CLCN5: variants seen among roughly 807,000 people sequenced by gnomAD.
The protein encoded by CLCN5 is Cl-/H+ antiporter 5.
A neutral mutation model predicts 54.0 loss-of-function variants in CLCN5; 17 were observed. The observed-to-expected ratio is 0.31, with a 90% CI of 0.22 to 0.47. The LOEUF (loss-of-function observed/expected upper bound fraction) is 0.47. Ranked by LOEUF, CLCN5 falls within the 20% of genes least tolerant of loss-of-function variation. CLCN5 has a pLI of 1.00. For missense variants in CLCN5, 448 were observed against 646.7 expected (o/e 0.69, Z 3.33); for synonymous variants, 222 against 233.0 (o/e 0.95, Z 0.43).
At chrX:50,079,016 G>A (rs5906905) in intron 7 of CLCN5, among the ~76,000 whole-genome samples, 64 of 111,201 alleles carry the variant, frequency 5.8e-4, no homozygotes, top group African/African-American at 2.0e-3. Context: ...GTAGAGACGG[G>A]GTTTCACCAT....
At chrX:50,028,499 C>G (rs782282635) in intron 3 of CLCN5, among the ~76,000 whole-genome samples, 2 of 111,796 alleles carry the variant, frequency 1.8e-5, no homozygotes, top group Admixed American at 9.5e-5. Context: ...TTTTCCTACC[C>G]CAGAGAACCT....
intron 8 of CLCN5, among the ~76,000 whole-genome samples, 188 bp downstream of exon 8, chrX:50,080,904 G>A (rs1440937138): frequency 9.0e-6 from 1 of 111,459 alleles, no homozygotes; most frequent in Non-Finnish European, 1.9e-5. Flanking sequence ...ATTAAAGGGA[G>A]TTGATTCTTA....
At chrX:50,019,504 T>A (rs782646587) in intron 3 of CLCN5, among the ~76,000 whole-genome samples, 4 of 75,889 alleles carry the variant, frequency 5.3e-5, no homozygotes, top group African/African-American at 2.0e-4. Context: ...TACTCTAAGT[T>A]TTAGGGTACA....
chrX:49,938,179 A>C (rs1157634818), intron 3 of CLCN5, among the ~76,000 whole-genome samples: 2 of 111,584 alleles, frequency 1.8e-5, no homozygotes, highest in African/African-American at 6.5e-5. Context: ...GTTTTACTTT[A>C]AGATATTGAT....
At chrX:50,034,729 C>G (rs781957912) in intron 3 of CLCN5, among the ~76,000 whole-genome samples, 4 of 110,972 alleles carry the variant, frequency 3.6e-5, no homozygotes, top group Admixed American at 1.9e-4. Context: ...GTAAGCCATA[C>G]CACAAACTAG....
At chrX:49,958,604 AC>A (rs1557174189) in intron 3 of CLCN5, among the ~76,000 whole-genome samples, 1 of 111,516 alleles carries the variant, frequency 9.0e-6, no homozygotes, top group African/African-American at 3.3e-5. Context: ...TTTACAAGTA[AC>A]AGCCAAATTT....
intron 3 of CLCN5, among the ~76,000 whole-genome samples, chrX:49,985,531 C>G (rs1174291934): frequency 9.0e-6 from 1 of 111,715 alleles, no homozygotes; most frequent in Non-Finnish European, 1.9e-5. Context: ...ATTCCTCATT[C>G]AGCTAATGGA....
intron 3 of CLCN5, among the ~76,000 whole-genome samples, chrX:49,940,496 A>T (rs1398952021): frequency 8.9e-6 from 1 of 111,909 alleles, no homozygotes; most frequent in African/African-American, 3.2e-5. Context: ...CATGTCTCTA[A>T]CATAAGTTTG....
chrX:50,091,196 A>G (rs1291109184), intron 14 of CLCN5, among the ~76,000 whole-genome samples: 2 of 111,985 alleles, frequency 1.8e-5, no homozygotes, highest in Non-Finnish European at 3.8e-5. Flanking sequence ...AGCATCAGGT[A>G]ATAGTGTATT....
intron 3 of CLCN5, among the ~76,000 whole-genome samples, chrX:49,954,326 C>A (rs1320482580): frequency 9.0e-6 from 1 of 111,318 alleles, no homozygotes; most frequent in African/African-American, 3.3e-5. Context: ...CATAAACTTT[C>A]TTGAAACATT....
chrX:49,930,111 A>C (rs1190516070), intron 3 of CLCN5, among the ~76,000 whole-genome samples: 1 of 111,760 alleles, frequency 8.9e-6, no homozygotes, highest in African/African-American at 3.3e-5. Context: ...TCAAAGAAGA[A>C]ATGCAAATGG....
rs958689777 is a variant in CLCN5, at chrX:49,942,568, C to T, written c.16+17254C>T. 1.5e-4 allele frequency among the ~76,000 whole-genome samples: 15 copies of T among 96,918 alleles called. 1 individual carries two copies. Among genetic ancestry groups the T allele is most frequent in the African/African-American group, 4.6e-4 (12 of 26,025 alleles). 84.2% of individuals were successfully genotyped at this position (96,918 alleles called of 115,157 possible). On this transcript the variant is annotated intron_variant, in intron 3 of 14. Coordinates refer to ENST00000376091, the MANE Select transcript of CLCN5 (RefSeq NM_001127898.4). ...TCCCTCCCCCCTCCCCCCTACCCCA[C>T]GACAGGCCCCGGTGTGTGATGTTCC... is the stretch of plus-strand genomic sequence containing the variant.
intron 3 of CLCN5, among the ~76,000 whole-genome samples, chrX:50,032,656 C>T (rs1931770648): frequency 9.2e-6 from 1 of 108,508 alleles, no homozygotes; most frequent in African/African-American, 3.5e-5. Flanking sequence ...AAAATTTTCT[C>T]CCATTTTGTA....
At position 50,081,628 on chromosome X, in the gene CLCN5, G is replaced by T; in HGVS notation, c.727-13G>T. 8.4e-7 allele frequency: 1 copy of T among 1,186,791 alleles called. No homozygotes were observed. The highest frequency in any genetic ancestry group is 1.1e-6 in the Non-Finnish European group (1 of 873,507). On this transcript the variant is annotated splice_polypyrimidine_tract_variant and intron_variant, in intron 8 of 14. Transcript: ENST00000376091. ...CTTAGTCTATATTCAATCTTTCTGT[G>T]TTTAACCTGCAGATAAAAACTATCT...
At chrX:50,088,025 T>G (rs1430266069) in intron 11 of CLCN5, among the ~76,000 whole-genome samples, 1 of 112,354 alleles carries the variant, frequency 8.9e-6, no homozygotes, top group Non-Finnish European at 1.9e-5. Flanking sequence ...TCATTACAAT[T>G]TTTTAATTGT....
chrX:50,058,281 G>A (rs1286834351), intron 4 of CLCN5, among the ~76,000 whole-genome samples: 2 of 111,539 alleles, frequency 1.8e-5, no homozygotes, highest in African/African-American at 6.5e-5. Flanking sequence ...TTCAGGGTCT[G>A]TGCATGAGAT....
chrX:50,090,598 G>C, intron 13 of CLCN5, 72 bp from the exon 14 acceptor site: 5 of 1,149,913 alleles, frequency 4.3e-6, no homozygotes, highest in Non-Finnish European at 5.9e-6. Flanking sequence ...GGGAAGGGGG[G>C]ACTGGTTAGG....
intron 4 of CLCN5, 24 bp downstream of exon 4, chrX:50,042,486 T>G (rs1422658207): frequency 1.0e-6 from 1 of 974,169 alleles, no homozygotes; most frequent in Non-Finnish European, 1.3e-6. Context: ...TGATGATAAT[T>G]TATCTTAATT....
At chrX:50,051,122 TATG>T (rs1932572939) in intron 4 of CLCN5, among the ~76,000 whole-genome samples, 1 of 112,344 alleles carries the variant, frequency 8.9e-6, no homozygotes, top group Non-Finnish European at 1.9e-5. Context: ...GATTTTCTCC[TATG>T]ATATCTTCCA....
Sources: allele counts gnomAD v4.1 joint callset (sites outside exome capture counted in the v4.1 genomes callset), GRCh38; gene constraint gnomAD v4.1.1; transcripts MANE v1.5; gene names NCBI Gene and HGNC (gene_info 2026-07-23, HGNC 2026-07-21).